CADM2: variants seen among roughly 807,000 people sequenced by gnomAD.
CADM2 encodes cell adhesion molecule 2, also known as immunoglobulin superfamily member 4D.
In CADM2, 12 loss-of-function variants were observed where a neutral mutation model predicts 49.8. The observed-to-expected ratio is 0.24, with a 90% confidence interval of 0.15 to 0.39. The LOEUF (loss-of-function observed/expected upper bound fraction) is 0.39. Ranked by LOEUF, CADM2 falls within the 10% of genes least tolerant of loss-of-function variation. The pLI, the probability that CADM2 is intolerant of heterozygous loss-of-function variation, is 1.00. For synonymous variants in CADM2, 214 were observed against 175.4 expected (o/e 1.22, Z -1.74); for missense variants, 378 against 492.3 (o/e 0.77, Z 2.20).
At position 85,961,608 on chromosome 3, in the gene CADM2, A is replaced by G. The variant is rs761204341; in HGVS notation, c.931A>G (p.Ile311Val). The part of the protein sequence containing the change: ...GTYRCEATNT[I>V]GQSSAEYVLI... Reference sequence around the variant, plus strand: ...ATATCGATGTGAAGCCACAAACACCATTGGCCAAAGCAGTGCGGAATATGT... The same window carrying G: ...ATATCGATGTGAAGCCACAAACACCGTTGGCCAAAGCAGTGCGGAATATGT... The change falls in exon 8 of 10, where the codon ATT becomes GTT. Residue 311 changes from isoleucine (I) to valine (V), a missense_variant. Coordinates refer to ENST00000383699, the MANE Select transcript of CADM2 (RefSeq NM_001167675.2). 1.4e-5 allele frequency: 22 copies of G among 1,604,020 alleles called. No homozygotes were observed. The South Asian group carries it at 2.2e-4, about 16-fold the overall frequency.
intron 8 of CADM2, among the ~76,000 whole-genome samples, chr3:85,988,908 C>T (rs530551289): frequency 9.9e-5 from 15 of 152,234 alleles, no homozygotes; most frequent in Admixed American, 5.9e-4. Context: ...TGTGAACTAA[C>T]ATGAAATTAC....
chr3:85,085,637 T>C (rs1428459689), intron 1 of CADM2, among the ~76,000 whole-genome samples: 1 of 152,156 alleles, frequency 6.6e-6, no homozygotes, highest in African/African-American at 2.4e-5. Context: ...AGTTTTTCTT[T>C]ACAAGTCTCT....
rs533181627 is a variant in CADM2 at position 85,444,554 on chromosome 3, C to G, written c.62-281968C>G. Among the ~76,000 whole-genome samples, 17 of 152,126 alleles carry G rather than the reference C, an allele frequency of 1.1e-4. No homozygotes were observed. In the East Asian group the frequency reaches 3.3e-3, roughly 29 times the overall value. The stretch of plus-strand genomic sequence containing the variant: ...ATATCCCCATAGATCACTTCTTCAA[C>G]TCTTTAAAATAACATTTTGTAAATA... On this transcript the variant is annotated intron_variant, in intron 1 of 9. Transcript: ENST00000383699.
intron 1 of CADM2, among the ~76,000 whole-genome samples, chr3:85,270,400 G>A (rs1033063658): frequency 3.3e-5 from 5 of 151,328 alleles, no homozygotes; most frequent in Non-Finnish European, 5.9e-5. Flanking sequence ...GTATAGCATA[G>A]TCTAGACATT....
At chr3:86,039,664 A>G (rs1735609150) in intron 8 of CADM2, among the ~76,000 whole-genome samples, 1 of 152,216 alleles carries the variant, frequency 6.6e-6, no homozygotes, top group African/African-American at 2.4e-5. Flanking sequence ...GGGGGAGGGC[A>G]TAGCCAAACA....
intron 2 of CADM2, among the ~76,000 whole-genome samples, chr3:85,792,366 A>G (rs539814308): frequency 4.9e-4 from 74 of 152,338 alleles, no homozygotes; most frequent in Non-Finnish European, 7.2e-4. Flanking sequence ...TGTCTTAAAT[A>G]TTCTTAACAT....
At chr3:84,989,955 T>C (rs982939019) in intron 1 of CADM2, among the ~76,000 whole-genome samples, 6 of 151,918 alleles carry the variant, frequency 3.9e-5, no homozygotes, top group African/African-American at 1.2e-4. Context: ...AAGAAACTTA[T>C]AACTTTGAAG....
intron 1 of CADM2, among the ~76,000 whole-genome samples, chr3:85,481,953 A>C (rs2039231234): frequency 6.6e-6 from 1 of 151,708 alleles, no homozygotes; most frequent in Admixed American, 6.6e-5. Flanking sequence ...CAAAATAATA[A>C]ACAGAGATCA....
chr3:85,221,399 A>T (rs1430486782), intron 1 of CADM2, among the ~76,000 whole-genome samples: 3 of 152,088 alleles, frequency 2.0e-5, no homozygotes, highest in Non-Finnish European at 4.4e-5. Flanking sequence ...TAGATGCTTC[A>T]TTGTTATTAA....
intron 1 of CADM2, among the ~76,000 whole-genome samples, chr3:85,179,341 G>A (rs1316883866): frequency 1.3e-5 from 2 of 151,998 alleles, no homozygotes; most frequent in East Asian, 3.9e-4. Context: ...ATTTTTAAAA[G>A]TGTGTATATG....
chr3:85,370,967 G>T (rs1044679557), intron 1 of CADM2, among the ~76,000 whole-genome samples: 1 of 151,294 alleles, frequency 6.6e-6, no homozygotes, highest in Non-Finnish European at 1.5e-5. Context: ...AAAAATTGTC[G>T]ATAGAAATAA....
intron 1 of CADM2, among the ~76,000 whole-genome samples, chr3:85,589,921 C>T (rs1481934438): frequency 6.6e-6 from 1 of 151,762 alleles, no homozygotes; most frequent in Non-Finnish European, 1.5e-5. Flanking sequence ...AGGGAAAATG[C>T]CAATTGGTTA....
chr3:85,414,273 T>C (rs1026205762), intron 1 of CADM2, among the ~76,000 whole-genome samples: 1 of 152,138 alleles, frequency 6.6e-6, no homozygotes, highest in African/African-American at 2.4e-5. Flanking sequence ...AAAATCGTCT[T>C]TAACAAAACC....
intron 8 of CADM2, among the ~76,000 whole-genome samples, chr3:86,016,994 T>C (rs937510939): frequency 6.6e-6 from 1 of 151,818 alleles, no homozygotes; most frequent in Non-Finnish European, 1.5e-5. Flanking sequence ...AAGAAGAAAA[T>C]CAATCCAATA....
chr3:85,809,459 C>T (rs1700814504), intron 3 of CADM2, among the ~76,000 whole-genome samples: 1 of 151,904 alleles, frequency 6.6e-6, no homozygotes, highest in Admixed American at 6.6e-5. Context: ...GGTGTGGTGG[C>T]ATGCACCTGT....
chr3:85,709,248 T>C (rs1424636249), intron 1 of CADM2, among the ~76,000 whole-genome samples: 1 of 152,172 alleles, frequency 6.6e-6, no homozygotes, highest in Non-Finnish European at 1.5e-5. Flanking sequence ...TTAACCTATT[T>C]CTAAACATGG....
intron 1 of CADM2, among the ~76,000 whole-genome samples, chr3:84,996,938 A>T (rs569165090): frequency 6.6e-6 from 1 of 152,228 alleles, no homozygotes; most frequent in South Asian, 2.1e-4. Context: ...TGCTACTCTT[A>T]TTGAAAGACA....
intron 1 of CADM2, among the ~76,000 whole-genome samples, chr3:85,367,021 C>A (rs2032836301): frequency 1.3e-5 from 2 of 151,988 alleles, no homozygotes; most frequent in African/African-American, 4.8e-5. Flanking sequence ...TAACTGATTT[C>A]TCAAATAAAT....
intron 1 of CADM2, among the ~76,000 whole-genome samples, chr3:85,148,889 G>T (rs1363438824): frequency 6.6e-6 from 1 of 152,046 alleles, no homozygotes; most frequent in Non-Finnish European, 1.5e-5. Flanking sequence ...GGAGAAAGAG[G>T]AGGGGTTGGT....
Sources: allele counts gnomAD v4.1 joint callset (sites outside exome capture counted in the v4.1 genomes callset), GRCh38; gene constraint gnomAD v4.1.1; transcripts MANE v1.5; gene names NCBI Gene and HGNC (gene_info 2026-07-23, HGNC 2026-07-21).